The following PREX1 variants were observed in gnomAD, a reference collection of about 807,000 sequenced individuals.
PREX1 encodes phosphatidylinositol-3,4,5-trisphosphate dependent Rac exchange factor 1.
A neutral mutation model predicts 198.3 loss-of-function variants in PREX1; 41 were observed. That is an observed-to-expected ratio of 0.21 (90% CI 0.16 to 0.27). The LOEUF is 0.27. Ranked by LOEUF, PREX1 falls within the 10% of genes least tolerant of loss-of-function variation. The probability of loss-of-function intolerance (pLI) is 1.00; values close to 1 mark genes in which losing one functional copy is unlikely to be tolerated. For missense variants in PREX1, 1,620 were observed against 2,200.7 expected (o/e 0.74, Z 5.28); for synonymous variants, 843 against 887.2 (o/e 0.95, Z 0.89).
chr20:48,741,334 C>T (rs890111679), intron 3 of PREX1, among the ~76,000 whole-genome samples: 3 of 150,580 alleles, frequency 2.0e-5, no homozygotes, highest in African/African-American at 7.3e-5. Flanking sequence ...GCTTGGGGCT[C>T]GATTTTTTTT....
chr20:48,661,064 G>A (rs1021882636), intron 15 of PREX1, among the ~76,000 whole-genome samples: 5 of 152,178 alleles, frequency 3.3e-5, no homozygotes, highest in African/African-American at 1.2e-4. Context: ...GTTGGATACT[G>A]TGACAAGCTG....
rs974210074 is a variant in PREX1, at chr20:48,627,437, G to T, written c.4937+111C>A. 18 of 1,224,678 alleles carry T rather than the reference G, an allele frequency of 1.5e-5. No homozygotes were observed. In the African/African-American group the frequency reaches 2.1e-4, roughly 14 times the overall value. The allele number at this position is 1,224,678 out of a possible 1,614,324, so 75.9% of individuals were successfully genotyped here. On this transcript the variant is annotated intron_variant, in intron 39 of 39. Coordinates refer to ENST00000371941, the MANE Select transcript of PREX1 (RefSeq NM_020820.4). ...TCAAAGAGGTTCCCCATAAATGAGA[G>T]GGGAAGCCCCATCTGAGCATTAGGG...
chr20:48,867,269 G>A, the PREX1 span, among the ~76,000 whole-genome samples: 561 of 152,338 alleles, frequency 3.7e-3, 3 homozygotes, highest in African/African-American at 0.01. Flanking sequence ...TGTAACAGGT[G>A]GGAAAATAGA....
chr20:48,650,315 G>T, intron 23 of PREX1, 109 bp from the exon 24 acceptor site: 1 of 1,064,204 alleles, frequency 9.4e-7, no homozygotes, highest in Non-Finnish European at 1.4e-6. Context: ...CCCCACAGTT[G>T]GACAAAATGC....
At chr20:48,784,937 G>A (rs1456732356) in intron 1 of PREX1, among the ~76,000 whole-genome samples, 2 of 150,226 alleles carry the variant, frequency 1.3e-5, no homozygotes, top group South Asian at 2.1e-4. Context: ...TTTTGAGACC[G>A]AGTTTCGCTC....
chr20:48,748,009 C>T, intron 1 of PREX1, 129 bp from the exon 2 acceptor site: 3 of 807,814 alleles, frequency 3.7e-6, no homozygotes, highest in Middle Eastern at 4.5e-4. Context: ...GGGACACAGG[C>T]AGAGGACGAG....
At chr20:48,679,505 C>A in intron 12 of PREX1, 96 bp from the exon 13 acceptor site, 1 of 1,442,644 alleles carries the variant, frequency 6.9e-7, no homozygotes, top group Non-Finnish European at 9.7e-7. Flanking sequence ...CAGGACGGGG[C>A]AGGGCAGGGT....
intron 1 of PREX1, chr20:48,821,848 T>A (rs1163593421): frequency 2.6e-5 from 4 of 152,202 alleles, no homozygotes; most frequent in Admixed American, 2.0e-4. Flanking sequence ...AAGTGACAGT[T>A]AAATTGCTAC....
chr20:48,713,461 G>A (rs531614821), intron 5 of PREX1, among the ~76,000 whole-genome samples: 9 of 151,768 alleles, frequency 5.9e-5, no homozygotes, highest in African/African-American at 1.7e-4. Flanking sequence ...TAAAAAAAGA[G>A]GCAACATAGT....
intron 5 of PREX1, among the ~76,000 whole-genome samples, chr20:48,711,963 G>C (rs909523893): frequency 6.6e-6 from 1 of 152,200 alleles, no homozygotes; most frequent in African/African-American, 2.4e-5. Flanking sequence ...GGCAGAACTT[G>C]GTGCTGTCAG....
intron 1 of PREX1, among the ~76,000 whole-genome samples, chr20:48,799,353 C>A (rs948284676): frequency 1.3e-5 from 2 of 152,136 alleles, no homozygotes; most frequent in African/African-American, 4.8e-5. Flanking sequence ...CTGCCCACCA[C>A]AAGGACATGC....
At chr20:48,741,342 T>A (rs964220679) in intron 3 of PREX1, among the ~76,000 whole-genome samples, 28 of 151,026 alleles carry the variant, frequency 1.9e-4, no homozygotes, top group East Asian at 1.9e-4. Flanking sequence ...CTCGATTTTT[T>A]TTTTATTTTA....
intron 5 of PREX1, among the ~76,000 whole-genome samples, chr20:48,724,502 A>G (rs1284297649): frequency 6.6e-6 from 1 of 152,230 alleles, no homozygotes. Flanking sequence ...GCTGACTCTC[A>G]TCCAGGGGTC....
intron 5 of PREX1, among the ~76,000 whole-genome samples, chr20:48,722,001 A>C (rs534456327): frequency 7.4e-4 from 113 of 152,228 alleles, no homozygotes; most frequent in African/African-American, 2.4e-3. Flanking sequence ...GAAAGGCATG[A>C]GTATGCTTGG....
At chr20:48,787,048 A>T (rs893417385) in intron 1 of PREX1, among the ~76,000 whole-genome samples, 1 of 134,022 alleles carries the variant, frequency 7.5e-6, no homozygotes, top group East Asian at 2.6e-4. Flanking sequence ...CCCTCTGGGG[A>T]CCCATTCTCT....
At chr20:48,646,103 T>C in intron 25 of PREX1, 46 bp from the exon 26 acceptor site, 1 of 1,579,634 alleles carries the variant, frequency 6.3e-7, no homozygotes, top group Non-Finnish European at 8.6e-7. Flanking sequence ...GCCTGGCCCT[T>C]TGTGTCCCTT....
intron 5 of PREX1, among the ~76,000 whole-genome samples, chr20:48,724,818 C>T (rs1285563168): frequency 2.0e-5 from 3 of 152,346 alleles, no homozygotes; most frequent in Admixed American, 6.5e-5. Context: ...TCTGCAGGCC[C>T]GATTTGGTCC....
At chr20:48,833,987 C>T in the PREX1 span, among the ~76,000 whole-genome samples, 1 of 151,808 alleles carries the variant, frequency 6.6e-6, no homozygotes, top group Non-Finnish European at 1.5e-5. Flanking sequence ...GAAGCTGAGG[C>T]GGAGAATGGC....
chr20:48,827,335 C>G lies in PREX1; in HGVS notation c.219+307G>C, dbSNP rs2090513819. 6.6e-6 allele frequency among the ~76,000 whole-genome samples: 1 copy of G among 152,226 alleles called. No individual in the cohort carries two copies. The highest frequency in any genetic ancestry group is 1.5e-5 in the Non-Finnish European group (1 of 68,046). On this transcript the variant is annotated intron_variant, in intron 1 of 39. Coordinates refer to ENST00000371941, the MANE Select transcript of PREX1 (RefSeq NM_020820.4). The surrounding 1 kb of genome is among the most constrained non-coding windows in gnomAD (Gnocchi z 4.1). ...CCGGGGTCCCCAAGCCCCTGCATCG[C>G]GGATGTAACTAATTTTAAAACTATT...
Sources: gnomAD v4.1 joint callset for allele counts (sites outside exome capture counted in the v4.1 genomes callset) on GRCh38, gnomAD v4.1.1 for gene constraint, Gnocchi (gnomAD v3.1) non-coding constraint, MANE v1.5 for transcripts, NCBI Gene and HGNC (gene_info 2026-07-23, HGNC 2026-07-21) for gene names.